Variants in FBXL7 observed in about 807,000 individuals in gnomAD.
FBXL7 encodes the protein F-box and leucine rich repeat protein 7.
Under a neutral mutation model 38.3 loss-of-function variants are expected in FBXL7, and 12 were observed. The ratio of observed to expected loss-of-function variants is 0.31; its 90% CI spans 0.20 to 0.51. The LOEUF (loss-of-function observed/expected upper bound fraction) is 0.51. Ranked by LOEUF, FBXL7 falls within the 20% of genes least tolerant of loss-of-function variation. The pLI is 0.98. For synonymous variants in FBXL7, 297 were observed against 300.9 expected (o/e 0.99, Z 0.13); for missense variants, 567 against 676.4 (o/e 0.84, Z 1.79).
chr5:15,686,612 A>T (rs1743024205), intron 2 of FBXL7, among the ~76,000 whole-genome samples: 1 of 152,174 alleles, frequency 6.6e-6, no homozygotes, highest in African/African-American at 2.4e-5. Flanking sequence ...TATTATTTTA[A>T]TTGCTGCATT....
At chr5:15,639,445 G>T (rs1227440531) in intron 2 of FBXL7, among the ~76,000 whole-genome samples, 1 of 152,028 alleles carries the variant, frequency 6.6e-6, no homozygotes, top group Non-Finnish European at 1.5e-5. Context: ...ATATCAGAGG[G>T]AGTTTCCCTG....
At chr5:15,501,934 T>G (rs1736500661) in intron 1 of FBXL7, among the ~76,000 whole-genome samples, 3 of 151,910 alleles carry the variant, frequency 2.0e-5, no homozygotes, top group Admixed American at 2.0e-4. Flanking sequence ...GATTTGAGTT[T>G]TTTTTTTTTT....
At chr5:15,536,526 C>T (rs1205424170) in intron 1 of FBXL7, among the ~76,000 whole-genome samples, 1 of 152,202 alleles carries the variant, frequency 6.6e-6, no homozygotes, top group Non-Finnish European at 1.5e-5. Context: ...CATTTTGGAG[C>T]TTTAAGATTT....
At chr5:15,847,916 T>G (rs1738962340) in intron 2 of FBXL7, among the ~76,000 whole-genome samples, 1 of 152,128 alleles carries the variant, frequency 6.6e-6, no homozygotes, top group Admixed American at 6.5e-5. Context: ...AGGACCTGAA[T>G]TCTTCTAACA....
intron 2 of FBXL7, among the ~76,000 whole-genome samples, chr5:15,668,553 C>T (rs1742359825): frequency 6.6e-6 from 1 of 152,020 alleles, no homozygotes; most frequent in Non-Finnish European, 1.5e-5. Context: ...GGGAGCATGC[C>T]CATTTTTCCT....
At chr5:15,570,287 A>G (rs1173485428) in intron 1 of FBXL7, among the ~76,000 whole-genome samples, 1 of 152,152 alleles carries the variant, frequency 6.6e-6, no homozygotes, top group Non-Finnish European at 1.5e-5. Context: ...TGGTCTATTC[A>G]GAGATTCAGC....
intron 2 of FBXL7, among the ~76,000 whole-genome samples, chr5:15,646,182 A>G (rs1158143116): frequency 5.3e-5 from 8 of 152,244 alleles, no homozygotes; most frequent in Non-Finnish European, 1.2e-4. Flanking sequence ...GAACATATAA[A>G]GAATAAAAAT....
At chr5:15,504,034 G>A (rs1437683282) in intron 1 of FBXL7, among the ~76,000 whole-genome samples, 1 of 152,194 alleles carries the variant, frequency 6.6e-6, no homozygotes, top group Non-Finnish European at 1.5e-5. Flanking sequence ...AAGGACTAGC[G>A]CTATCCGCAT....
intron 2 of FBXL7, among the ~76,000 whole-genome samples, chr5:15,822,629 T>C (rs566612019): frequency 2.0e-5 from 3 of 151,206 alleles, no homozygotes; most frequent in Non-Finnish European, 3.0e-5. Context: ...GCTCTTTTTT[T>C]TTTTTTTTTT....
intron 2 of FBXL7, among the ~76,000 whole-genome samples, chr5:15,835,043 G>A (rs1738558605): frequency 6.6e-6 from 1 of 152,116 alleles, no homozygotes; most frequent in African/African-American, 2.4e-5. Flanking sequence ...ATATTTTAAT[G>A]GTTACTTTTG....
At chr5:15,839,098 T>C (rs1738673670) in intron 2 of FBXL7, among the ~76,000 whole-genome samples, 1 of 152,004 alleles carries the variant, frequency 6.6e-6, no homozygotes, top group Admixed American at 6.5e-5. Context: ...ATCTTTTTTT[T>C]TTTTCCAATT....
intron 2 of FBXL7, among the ~76,000 whole-genome samples, chr5:15,904,320 A>G (rs1257532407): frequency 1.3e-5 from 2 of 152,178 alleles, no homozygotes; most frequent in African/African-American, 4.8e-5. Context: ...CAAAACTCAT[A>G]ACCGTCATGT....
intron 1 of FBXL7, among the ~76,000 whole-genome samples, chr5:15,528,870 G>A (rs1414118165): frequency 2.6e-5 from 4 of 152,188 alleles, no homozygotes. Flanking sequence ...ATATGTGTAA[G>A]TTGTGGAATA....
intron 2 of FBXL7, among the ~76,000 whole-genome samples, chr5:15,748,922 A>G (rs997884572): frequency 2.0e-5 from 3 of 152,124 alleles, no homozygotes; most frequent in African/African-American, 7.2e-5. Flanking sequence ...GGCCTCCTAA[A>G]GTGTTGCCAT....
chr5:15,664,825 G>C lies in FBXL7; in HGVS notation c.127+48753G>C, dbSNP rs139967832. Among the ~76,000 whole-genome samples, 391 of 149,620 alleles carry C rather than the reference G, an allele frequency of 2.6e-3. 2 individuals are homozygous for C. Among genetic ancestry groups the C allele is most frequent in the Middle Eastern group, 0.024 (7 of 286 alleles). The stretch of plus-strand genomic sequence containing the variant: ...TCTGAAGAAATTCCTTTAACATTTT[G>C]TTGTGGTTTTGCTTGTGTTGCTTTG... On this transcript the variant is annotated intron_variant, in intron 2 of 3. Transcript: ENST00000504595.
chr5:15,844,019 A>G (rs1738825582), intron 2 of FBXL7, among the ~76,000 whole-genome samples: 1 of 152,134 alleles, frequency 6.6e-6, no homozygotes, highest in South Asian at 2.1e-4. Context: ...AGTTAAAAGC[A>G]AAAACAAAAA....
intron 2 of FBXL7, among the ~76,000 whole-genome samples, chr5:15,900,469 A>T (rs1741208145): frequency 6.6e-6 from 1 of 152,200 alleles, no homozygotes; most frequent in Non-Finnish European, 1.5e-5. Flanking sequence ...AAGAGACAGA[A>T]TGACAGGTGA....
chr5:15,781,337 A>G (rs1441334637), intron 2 of FBXL7, among the ~76,000 whole-genome samples: 3 of 152,062 alleles, frequency 2.0e-5, no homozygotes, highest in Admixed American at 2.0e-4. Context: ...TATGAGTAAG[A>G]CTTGCATGCC....
chr5:15,522,967 A>G (rs1367934390), intron 1 of FBXL7, among the ~76,000 whole-genome samples: 1 of 152,252 alleles, frequency 6.6e-6, no homozygotes, highest in Non-Finnish European at 1.5e-5. Context: ...TACGGTGGCA[A>G]CTAGCAACTA....
Sources: allele counts gnomAD v4.1 joint callset (sites outside exome capture counted in the v4.1 genomes callset), GRCh38; gene constraint gnomAD v4.1.1; transcripts MANE v1.5; gene names NCBI Gene and HGNC (gene_info 2026-07-23, HGNC 2026-07-21).